B3GALT1: variants seen among roughly 807,000 people sequenced by gnomAD.
B3GALT1 encodes UDP-Gal:betaGlcNAc beta 1,3-galactosyltransferase, polypeptide 1.
B3GALT1 carries 10 observed loss-of-function variants against 23.2 expected under a neutral mutation model. The ratio of observed to expected loss-of-function variants is 0.43; its 90% CI spans 0.27 to 0.73. B3GALT1 has a LOEUF of 0.73. B3GALT1 is among the 30% of genes least tolerant of loss of function. The pLI is 0.21. For synonymous variants in B3GALT1, 156 were observed against 141.5 expected (o/e 1.10, Z -0.73); for missense variants, 299 against 405.4 (o/e 0.74, Z 2.25).
At chr2:167,474,023 T>C (rs1021016769) in intron 1 of B3GALT1, among the ~76,000 whole-genome samples, 2 of 152,140 alleles carry the variant, frequency 1.3e-5, no homozygotes, top group Non-Finnish European at 2.9e-5. Flanking sequence ...GGCAGAGGCA[T>C]AAATACATGA....
intron 3 of B3GALT1, among the ~76,000 whole-genome samples, chr2:167,765,882 C>G (rs963980332): frequency 1.3e-5 from 2 of 152,278 alleles, no homozygotes; most frequent in South Asian, 4.2e-4. Context: ...TTCCTCATAC[C>G]TGGCTAAGGA....
chr2:167,588,964 G>A (rs1326198814), intron 2 of B3GALT1, among the ~76,000 whole-genome samples: 1 of 146,720 alleles, frequency 6.8e-6, no homozygotes, highest in Non-Finnish European at 1.5e-5. Context: ...TTTTTTAGAG[G>A]TGGGTTCTCA....
intron 1 of B3GALT1, among the ~76,000 whole-genome samples, chr2:167,477,119 A>C (rs749667307): frequency 6.6e-6 from 1 of 152,214 alleles, no homozygotes; most frequent in Admixed American, 6.5e-5. Flanking sequence ...TCATGTTTCA[A>C]ATTCCTCCCA....
chr2:167,743,102 A>G (rs1219609703), intron 3 of B3GALT1, among the ~76,000 whole-genome samples: 1 of 152,090 alleles, frequency 6.6e-6, no homozygotes, highest in Non-Finnish European at 1.5e-5. Flanking sequence ...CTGTAGCTAT[A>G]GTTCACTCAT....
At chr2:167,843,979 T>C (rs79983829) in intron 4 of B3GALT1, among the ~76,000 whole-genome samples, 1,658 of 152,320 alleles carry the variant, frequency 0.011, 10 homozygotes, top group Non-Finnish European at 0.018. Flanking sequence ...TATATTCATA[T>C]CACTGGATTC....
At chr2:167,609,796 A>G (rs1276515103) in intron 2 of B3GALT1, among the ~76,000 whole-genome samples, 1 of 152,224 alleles carries the variant, frequency 6.6e-6, no homozygotes, top group Non-Finnish European at 1.5e-5. Flanking sequence ...TTGCTTCCAC[A>G]TGGAAATGAA....
intron 1 of B3GALT1, among the ~76,000 whole-genome samples, chr2:167,425,758 G>A (rs180854686): frequency 1.1e-4 from 16 of 152,194 alleles, no homozygotes; most frequent in South Asian, 2.1e-4. Context: ...AGGCTATAAT[G>A]ATTTATCGAC....
intron 3 of B3GALT1, among the ~76,000 whole-genome samples, chr2:167,773,065 G>C (rs73971274): frequency 0.013 from 1,989 of 152,206 alleles, 45 homozygotes; most frequent in African/African-American, 0.045. Context: ...TGTTTGTTGT[G>C]TTGGTAAATG....
chr2:167,531,526 C>CTT (rs1683326913), intron 2 of B3GALT1, among the ~76,000 whole-genome samples: 1 of 152,056 alleles, frequency 6.6e-6, no homozygotes, highest in Non-Finnish European at 1.5e-5. Flanking sequence ...ATAGGAAAGT[C>CTT]TGATTCAATT....
At chr2:167,811,285 T>C (rs1233034022) in intron 3 of B3GALT1, among the ~76,000 whole-genome samples, 1 of 152,264 alleles carries the variant, frequency 6.6e-6, no homozygotes, top group Admixed American at 6.5e-5. Context: ...TTTTTGAGCA[T>C]GAGTTCTAAC....
intron 2 of B3GALT1, among the ~76,000 whole-genome samples, chr2:167,529,195 C>T (rs1429605140): frequency 1.3e-5 from 2 of 152,070 alleles, no homozygotes; most frequent in Non-Finnish European, 2.9e-5. Flanking sequence ...CCTGGTTTTC[C>T]TCCTATCTCA....
intron 1 of B3GALT1, among the ~76,000 whole-genome samples, chr2:167,366,056 T>C (rs1382552529): frequency 6.6e-6 from 1 of 152,232 alleles, no homozygotes; most frequent in Non-Finnish European, 1.5e-5. Flanking sequence ...AAATGTATTA[T>C]CAAAGATGCA....
At chr2:167,808,177 A>G (rs556803343) in intron 3 of B3GALT1, among the ~76,000 whole-genome samples, 2 of 150,386 alleles carry the variant, frequency 1.3e-5, no homozygotes, top group South Asian at 4.3e-4. Flanking sequence ...CCATCCCTTT[A>G]TTTTGAGCCT....
intron 1 of B3GALT1, among the ~76,000 whole-genome samples, chr2:167,389,567 G>C (rs1475996431): frequency 2.0e-5 from 3 of 152,168 alleles, no homozygotes; most frequent in South Asian, 2.1e-4. Flanking sequence ...CTAAGTACCA[G>C]GAATATCCAG....
chr2:167,523,425 C>T (rs1683149978), intron 2 of B3GALT1, among the ~76,000 whole-genome samples: 1 of 126,774 alleles, frequency 7.9e-6, no homozygotes, highest in African/African-American at 3.2e-5. Context: ...CTTGTGTATC[C>T]CTTTTTTTTT....
chr2:167,596,678 T>G (rs1305186568), intron 2 of B3GALT1, among the ~76,000 whole-genome samples: 1 of 152,186 alleles, frequency 6.6e-6, no homozygotes, highest in Non-Finnish European at 1.5e-5. Flanking sequence ...GATTTTTTTT[T>G]GTAGAAAAGC....
chr2:167,465,013 A>G (rs963217413), intron 1 of B3GALT1, among the ~76,000 whole-genome samples: 2 of 152,318 alleles, frequency 1.3e-5, no homozygotes, highest in East Asian at 1.9e-4. Flanking sequence ...TAGATTCCAG[A>G]CAAGGCATCC....
In B3GALT1 at chr2:167,406,462, C is replaced by A. The variant is rs192130322; in HGVS notation, c.-510-83715C>A. 4.4e-3 allele frequency among the ~76,000 whole-genome samples: 664 copies of A among 152,172 alleles called. 4 individuals are homozygous for A. The highest frequency in any genetic ancestry group is 0.015 in the African/African-American group (608 of 41,516). Reference sequence around the variant, plus strand: ...ACTCCAAGCAGATAGTAAAAGAATCCAGACTCCCACATCCACAATGCCCCT... The same window carrying A: ...ACTCCAAGCAGATAGTAAAAGAATCAAGACTCCCACATCCACAATGCCCCT... On this transcript the variant is annotated intron_variant, in intron 1 of 4. Transcript: ENST00000392690.
chr2:167,447,684 G>A (rs1182951176), intron 1 of B3GALT1, among the ~76,000 whole-genome samples: 1 of 152,102 alleles, frequency 6.6e-6, no homozygotes, highest in African/African-American at 2.4e-5. Flanking sequence ...TAATCTCCTG[G>A]TGTGCCGTTT....
Sources: allele counts gnomAD v4.1 joint callset (sites outside exome capture counted in the v4.1 genomes callset), GRCh38; gene constraint gnomAD v4.1.1; transcripts MANE v1.5; gene names NCBI Gene and HGNC (gene_info 2026-07-23, HGNC 2026-07-21).